The following DHX8 variants were observed in gnomAD, a reference collection of about 807,000 sequenced individuals.
DHX8 encodes the protein ATP-dependent RNA helicase DHX8.
DHX8 carries 67 observed loss-of-function variants against 140.7 expected under a neutral mutation model. The observed-to-expected ratio is 0.48, with a 90% CI of 0.39 to 0.58. DHX8 has a LOEUF of 0.58. DHX8 is among the 20% of genes least tolerant of loss of function. The pLI is 0.00. For synonymous variants in DHX8, 533 were observed against 553.2 expected (o/e 0.96, Z 0.51); for missense variants, 887 against 1,550.7 (o/e 0.57, Z 7.19).
At chr17:43,489,764 G>A (rs1010438749) in intron 2 of DHX8, among the ~76,000 whole-genome samples, 1 of 151,958 alleles carries the variant, frequency 6.6e-6, no homozygotes, top group African/African-American at 2.4e-5. Flanking sequence ...CTAATTTTTT[G>A]TATTTTTAGT....
At chr17:43,493,097 T>C in intron 6 of DHX8, 57 bp downstream of exon 6, 4 of 1,565,900 alleles carry the variant, frequency 2.6e-6, no homozygotes, top group Non-Finnish European at 3.5e-6. Flanking sequence ...CTTTTATCAC[T>C]GAGGATGTTC....
At chr17:43,519,331 T>A (rs1970262046) in intron 18 of DHX8, 1 of 152,250 alleles carries the variant, frequency 6.6e-6, no homozygotes, top group African/African-American at 2.4e-5. Context: ...ATTGTAGTTT[T>A]GATTTGCATT....
At chr17:43,511,316 A>G (rs1179031833) in intron 16 of DHX8, among the ~76,000 whole-genome samples, 1 of 152,128 alleles carries the variant, frequency 6.6e-6, no homozygotes, top group Non-Finnish European at 1.5e-5. Flanking sequence ...GGCAATGAGC[A>G]AAACTATCTC....
intron 11 of DHX8, among the ~76,000 whole-genome samples, chr17:43,502,386 GTATTT>G (rs895974489): frequency 2.6e-5 from 4 of 152,046 alleles, no homozygotes; most frequent in Non-Finnish European, 4.4e-5. Context: ...GACCTTATCT[GTATTT>G]TATTTTATTT....
chr17:43,508,618 CTTTTTTT>C (rs369283745), intron 16 of DHX8, 98 bp downstream of exon 16: 3 of 527,994 alleles, frequency 5.7e-6, no homozygotes, highest in South Asian at 5.8e-5. Flanking sequence ...GTATGCAAGT[CTTTTTTT>C]TTTTTTTTTT....
At chr17:43,535,248 A>G (rs1971174961) in intron 2 of DHX8, among the ~76,000 whole-genome samples, 1 of 152,044 alleles carries the variant, frequency 6.6e-6, no homozygotes, top group Non-Finnish European at 1.5e-5. Flanking sequence ...TTGACAGCAA[A>G]GTATCTGACA....
Position 43,500,046 on chromosome 17 carries a change from G to C in DHX8, c.1489G>C (p.Glu497Gln). 2.5e-6 allele frequency: 4 copies of C among 1,614,200 alleles called. No homozygotes were observed. Among genetic ancestry groups the C allele is most frequent in the Non-Finnish European group, 3.4e-6 (4 of 1,180,026 alleles). Residue 497 changes from glutamate to glutamine, a missense_variant, in exon 11 of 23, where the codon GAG (glutamate) becomes CAG (glutamine). Around this residue, in one of 9 missense-constraint regions of DHX8, gnomAD observed 178 missense variants for 398.5 expected, o/e 0.45. Transcript: ENST00000262415. Reference protein sequence around the residue: ...RELKQAQREAEMDSIPMGLNK... With the variant: ...RELKQAQREAQMDSIPMGLNK... Reference sequence around the variant, plus strand: ...ACTCAAACAGGCCCAGCGGGAAGCTGAGATGGATTCTATTCCCATGGGACT... The same window carrying C: ...ACTCAAACAGGCCCAGCGGGAAGCTCAGATGGATTCTATTCCCATGGGACT...
chr17:43,493,137 C>T, intron 6 of DHX8, 97 bp downstream of exon 6: 5 of 1,471,006 alleles, frequency 3.4e-6, no homozygotes, highest in Non-Finnish European at 4.6e-6. Flanking sequence ...TGATTAATGA[C>T]ACTTTAGTCA....
Position 43,492,282 on chromosome 17 carries a change from G to A in DHX8, c.493G>A (p.Ala165Thr), listed in dbSNP as rs1968566805. 1.2e-6 allele frequency: 2 copies of A among 1,613,314 alleles called. No individual in the cohort carries two copies. Among genetic ancestry groups the A allele is most frequent in the African/African-American group, 1.3e-5 (1 of 75,028 alleles). The change falls in exon 5 of 23, where the codon GCT becomes ACT. Residue 165 changes from alanine to threonine, a missense_variant. Physicochemically the swap from Ala to Thr is moderately conservative, Grantham distance 58 (BLOSUM62 0). Transcript: ENST00000262415. Reference sequence around the variant, plus strand: ...AGCAGGCCAGGAGAAGCAAAGAGATGCTGAACACCGGTTTGTCCTTAGTGT... The same window carrying A: ...AGCAGGCCAGGAGAAGCAAAGAGATACTGAACACCGGTTTGTCCTTAGTGT... ...SAAGQEKQRD[A>T]EHRDRTKKKK...
downstream of DHX8, chr17:43,526,362 AG>A: frequency 6.8e-7 from 1 of 1,473,720 alleles, no homozygotes; most frequent in South Asian, 1.3e-5. Flanking sequence ...ACACATGCTG[AG>A]TGTGCTGTTT....
rs748275231 is a variant in DHX8 at position 43,493,503 on chromosome 17, A to G, written c.922A>G (p.Asn308Asp). The change falls in exon 7 of 23, where the codon AAT (asparagine) becomes GAT (aspartate). Residue 308 changes from asparagine to aspartate, a missense_variant. Transcript: ENST00000262415. ...GCTCCGGCGGGAGGGTCGTGTGGCC[A>G]ATGTAGCTGATGTCGTGAGCAAAGG... ...SELRREGRVA[N>D]VADVVSKGQR... The G allele has an allele frequency of 6.2e-7, 1 of 1,614,140 alleles. No individual in the cohort carries two copies. Among genetic ancestry groups the G allele is most frequent in the South Asian group, 1.1e-5 (1 of 91,086 alleles).
intron 8 of DHX8, among the ~76,000 whole-genome samples, chr17:43,495,461 T>C (rs1968801049): frequency 6.6e-6 from 1 of 152,084 alleles, no homozygotes; most frequent in South Asian, 2.1e-4. Flanking sequence ...TAATTTTTTG[T>C]AGAGACAGTC....
intron 12 of DHX8, 95 bp downstream of exon 12, chr17:43,504,920 G>A: frequency 1.7e-6 from 2 of 1,163,412 alleles, no homozygotes; most frequent in Non-Finnish European, 2.4e-6. Flanking sequence ...ACAAGTATGT[G>A]CCTACTTGAA....
chr17:43,493,488 G>T lies in DHX8; in HGVS notation c.907G>T (p.Glu303Ter), dbSNP rs754400269. Residue 303 changes from glutamate to a stop codon, truncating the protein, a stop_gained, in exon 7 of 23, where the codon GAG (glutamate) becomes TAG (stop). Coordinates refer to ENST00000262415, the MANE Select transcript of DHX8 (RefSeq NM_004941.3). LOFTEE classifies it high-confidence loss of function. ...GGTGCACATCTCTGAGCTCCGGCGG[G>T]AGGGTCGTGTGGCCAATGTAGCTGA... Reference protein sequence around the residue: ...GLVHISELRREGRVANVADVV... With the variant: ...GLVHISELRR 2 of 1,614,216 alleles carry T rather than the reference G, an allele frequency of 1.2e-6. No homozygotes were observed. The highest frequency in any genetic ancestry group is 1.7e-6 in the Non-Finnish European group (2 of 1,180,034).
At chr17:43,491,080 A>G (rs1968490919) in intron 3 of DHX8, 85 bp from the exon 4 acceptor site, 3 of 536,270 alleles carry the variant, frequency 5.6e-6, no homozygotes, top group East Asian at 3.3e-5. Context: ...ATACAAATCT[A>G]TTGTTGAAGT....
intron 10 of DHX8, among the ~76,000 whole-genome samples, chr17:43,499,260 C>G (rs915507389): frequency 6.6e-6 from 1 of 152,132 alleles, no homozygotes; most frequent in Non-Finnish European, 1.5e-5. Context: ...CTTGCAGATT[C>G]AAAGGCAATT....
intron 10 of DHX8, among the ~76,000 whole-genome samples, chr17:43,499,732 T>C (rs1198591573): frequency 1.3e-5 from 2 of 152,214 alleles, no homozygotes; most frequent in African/African-American, 4.8e-5. Flanking sequence ...TCTTTTGGGG[T>C]TCTCATATTC....
intron 11 of DHX8, among the ~76,000 whole-genome samples, chr17:43,503,678 AAATT>A: frequency 6.6e-6 from 1 of 151,776 alleles, no homozygotes; most frequent in African/African-American, 2.4e-5. Context: ...AAAAAGAAAA[AAATT>A]AATCTGAGAG....
intron 2 of DHX8, chr17:43,532,591 G>C (rs1305723546): frequency 1.6e-6 from 2 of 1,279,754 alleles, no homozygotes; most frequent in East Asian, 2.4e-5. Flanking sequence ...ATGGTAAACA[G>C]CAATGTAAAA....
Sources: gnomAD v4.1 joint callset for allele counts (sites outside exome capture counted in the v4.1 genomes callset) on GRCh38, gnomAD v4.1.1 for gene constraint, gnomAD v4.1.1 regional missense constraint, MANE v1.5 for transcripts, NCBI Gene and HGNC (gene_info 2026-07-23, HGNC 2026-07-21) for gene names.